Variants in SPATA6L observed in about 807,000 individuals in gnomAD.
SPATA6L encodes the protein spermatogenesis associated 6 like.
Under a neutral mutation model 49.2 loss-of-function variants are expected in SPATA6L, and 68 were observed. The observed-to-expected ratio is 1.38, with a 90% confidence interval of 1.14 to 1.69. The LOEUF (loss-of-function observed/expected upper bound fraction) is 1.69. Ranked by LOEUF, SPATA6L falls within the 40% of genes most tolerant of loss-of-function variation. The pLI is 0.00. For synonymous variants in SPATA6L, 198 were observed against 165.7 expected, an observed-to-expected ratio of 1.19 and a Z score of -1.50; for missense variants, 668 against 464.3, an observed-to-expected ratio of 1.44 and a Z score of -4.03.
rs561221498 is a variant in SPATA6L, at chr9:4,644,437, A to T, written c.227-9038T>A. Reference sequence around the variant, plus strand: ...GGGGAAAGCTAATAACAGAAAAAAAACTATGCTATGTAAAAATTCCATATC... The same window carrying T: ...GGGGAAAGCTAATAACAGAAAAAAATCTATGCTATGTAAAAATTCCATATC... On this transcript the variant is annotated intron_variant, in intron 3 of 11. Transcript: ENST00000682582. 1.6e-4 allele frequency among the ~76,000 whole-genome samples: 25 copies of T among 152,078 alleles called. No homozygotes were observed. In the East Asian group the frequency reaches 4.8e-3, roughly 29 times the overall value.
Position 4,662,483 on chromosome 9 carries a change from C to G in SPATA6L, c.40-447G>C. The G allele has an allele frequency of 6.4e-7, 1 of 1,553,330 alleles. No individual in the cohort carries two copies. The highest frequency in any genetic ancestry group is 8.6e-7 in the Non-Finnish European group (1 of 1,159,316). On this transcript the variant is annotated intron_variant, in intron 1 of 11. Transcript: ENST00000682582. This position sits in a 1 kb window ranked among gnomAD's most constrained non-coding sequence, Gnocchi z 4.9. Reference sequence around the variant, plus strand: ...CCCATGGCGGCGGTGGCGGCGGCAGCAGGTTTGAGTTCCAGTCCCTGCTCA... The same window carrying G: ...CCCATGGCGGCGGTGGCGGCGGCAGGAGGTTTGAGTTCCAGTCCCTGCTCA...
chr9:4,616,713 G>C (rs1828097782), intron 9 of SPATA6L, among the ~76,000 whole-genome samples: 1 of 152,200 alleles, frequency 6.6e-6, no homozygotes, highest in African/African-American at 2.4e-5. Context: ...AGCCTCCCGA[G>C]TAGCTGGGAT....
intron 9 of SPATA6L, among the ~76,000 whole-genome samples, chr9:4,607,440 G>C (rs1825565240): frequency 6.6e-6 from 1 of 152,180 alleles, no homozygotes; most frequent in Non-Finnish European, 1.5e-5. Flanking sequence ...ACTAACAGCG[G>C]ATCTCTTGGC....
At chr9:4,605,707 G>A (rs1824637764) in intron 9 of SPATA6L, among the ~76,000 whole-genome samples, 1 of 152,086 alleles carries the variant, frequency 6.6e-6, no homozygotes, top group Admixed American at 6.5e-5. Context: ...ACTTTCCTGT[G>A]TTTTTCAGAT....
At chr9:4,643,522 A>C (rs1216133316) in intron 3 of SPATA6L, among the ~76,000 whole-genome samples, 1 of 152,188 alleles carries the variant, frequency 6.6e-6, no homozygotes, top group Non-Finnish European at 1.5e-5. Context: ...GAAAATCTAA[A>C]TGCTCAACAA....
chr9:4,655,661 G>A (rs1242214491), intron 3 of SPATA6L, among the ~76,000 whole-genome samples: 2 of 151,686 alleles, frequency 1.3e-5, no homozygotes, highest in Non-Finnish European at 2.9e-5. Flanking sequence ...CGATTCTCCT[G>A]CCTCAGCCTC....
intron 3 of SPATA6L, chr9:4,646,455 C>A: frequency 6.8e-7 from 1 of 1,466,402 alleles, no homozygotes; most frequent in Admixed American, 2.4e-5. Context: ...TCATATTAAG[C>A]TAATTTAGAA....
In SPATA6L at chr9:4,600,755, A is replaced by G. The variant is rs1299256582; in HGVS notation, c.*56T>C. 2.0e-5 allele frequency: 3 copies of G among 152,218 alleles called. No homozygotes were observed. The highest frequency in any genetic ancestry group is 7.2e-5 in the African/African-American group (3 of 41,454). 9.4% of individuals were successfully genotyped at this position (152,218 alleles called of 1,614,324 possible). On this transcript the variant is annotated 3_prime_UTR_variant, in exon 12 of 12. Coordinates refer to ENST00000682582, the MANE Select transcript of SPATA6L (RefSeq NM_001353486.2). ...TGTTCATTTCTTTAAGGATGCTTCAATTGTCTCAGTGAGTGAGCTCTTCAT... is the reference window on the plus strand; with the variant it reads ...TGTTCATTTCTTTAAGGATGCTTCAGTTGTCTCAGTGAGTGAGCTCTTCAT...
In SPATA6L at chr9:4,662,516, C is replaced by G; in HGVS notation, c.40-480G>C. On this transcript the variant is annotated intron_variant, in intron 1 of 11. Transcript: ENST00000682582. This position sits in a 1 kb window ranked among gnomAD's most constrained non-coding sequence, Gnocchi z 4.9. ...AGTTCCAGTCCCTGCTCAGCAGCCG[C>G]GCCACGGCCGTGGACCCCACCTGCG... 6.4e-7 allele frequency: 1 copy of G among 1,559,824 alleles called. No homozygotes were observed. Among genetic ancestry groups the G allele is most frequent in the African/African-American group, 1.4e-5 (1 of 73,782 alleles).
intron 2 of SPATA6L, among the ~76,000 whole-genome samples, chr9:4,661,463 C>A (rs1839713392): frequency 6.6e-6 from 1 of 151,882 alleles, no homozygotes; most frequent in Non-Finnish European, 1.5e-5. Flanking sequence ...TCTGAACAGC[C>A]TTTTTGTTAC....
intron 3 of SPATA6L, chr9:4,646,335 G>T: frequency 2.3e-6 from 1 of 428,600 alleles, no homozygotes. Flanking sequence ...TAGATTGGCA[G>T]AAAAAAGGCA....
intron 11 of SPATA6L, among the ~76,000 whole-genome samples, chr9:4,601,124 G>C (rs1334907397): frequency 2.6e-5 from 4 of 152,232 alleles, no homozygotes; most frequent in African/African-American, 9.7e-5. Flanking sequence ...GTGTTATTCA[G>C]TTGAGCTGTT....
intron 3 of SPATA6L, among the ~76,000 whole-genome samples, chr9:4,638,953 G>C (rs2130606731): frequency 6.6e-6 from 1 of 152,026 alleles, no homozygotes; most frequent in East Asian, 1.9e-4. Flanking sequence ...TCAAGTTCTA[G>C]GGTCAGGCAG....
At chr9:4,588,995 T>A (rs7045876) in intron 13 of SPATA6L, 1 of 151,956 alleles carries the variant, frequency 6.6e-6, no homozygotes, top group Non-Finnish European at 1.5e-5. Context: ...TCTAGCAGCC[T>A]TGGAAGGCTG....
intron 3 of SPATA6L, among the ~76,000 whole-genome samples, chr9:4,646,965 G>C (rs1298178056): frequency 6.6e-6 from 1 of 151,878 alleles, no homozygotes; most frequent in Non-Finnish European, 1.5e-5. Context: ...AATAACTATT[G>C]GATACTAGAC....
chr9:4,660,612 A>T (rs913062196), intron 2 of SPATA6L, among the ~76,000 whole-genome samples: 1 of 152,258 alleles, frequency 6.6e-6, no homozygotes, highest in Non-Finnish European at 1.5e-5. Context: ...CCCATGTGGA[A>T]GACAGTGTGG....
intron 3 of SPATA6L, among the ~76,000 whole-genome samples, chr9:4,638,242 G>A (rs879491906): frequency 1.3e-5 from 2 of 152,086 alleles, no homozygotes; most frequent in African/African-American, 2.4e-5. Flanking sequence ...ACGGAGTCTC[G>A]CTCTTATTGC....
At position 4,625,379 on chromosome 9, in the gene SPATA6L, C is replaced by A. The variant is rs370606890; in HGVS notation, c.617G>T (p.Gly206Val). The A allele has an allele frequency of 6.2e-7, 1 of 1,613,838 alleles. No homozygotes were observed. Among genetic ancestry groups the A allele is most frequent in the Non-Finnish European group, 8.5e-7 (1 of 1,179,964 alleles). The change falls in exon 6 of 12, where the codon GGA (glycine) becomes GTA (valine). Residue 206 changes from glycine (G) to valine (V), a missense_variant. Physicochemically the swap from Gly to Val is moderately radical, Grantham distance 109 (BLOSUM62 -3). Coordinates refer to ENST00000682582, the MANE Select transcript of SPATA6L (RefSeq NM_001353486.2). Reference sequence around the variant, plus strand: ...TCCTCCAGAGATTTTGAAATTATTTCCAAGGTTCAACTGAGCTGGCTGGTC... The same window carrying A: ...TCCTCCAGAGATTTTGAAATTATTTACAAGGTTCAACTGAGCTGGCTGGTC... ...FQDQPAQLNLGNNFKISGGSK... is the reference protein window; with the variant it reads ...FQDQPAQLNLVNNFKISGGSK...
At chr9:4,618,410 T>C (rs1350047177) in intron 8 of SPATA6L, among the ~76,000 whole-genome samples, 1 of 152,124 alleles carries the variant, frequency 6.6e-6, no homozygotes, top group East Asian at 1.9e-4. Flanking sequence ...CTGGGAAAAA[T>C]GTAACTTTAA....
Sources: allele counts gnomAD v4.1 joint callset (sites outside exome capture counted in the v4.1 genomes callset), GRCh38; gene constraint gnomAD v4.1.1; non-coding constraint Gnocchi (gnomAD v3.1); transcripts MANE v1.5; gene names NCBI Gene and HGNC (gene_info 2026-07-23, HGNC 2026-07-21).